AK5: variants seen among roughly 807,000 people sequenced by gnomAD.
AK5 encodes adenylate kinase isoenzyme 5.
In AK5, 27 loss-of-function variants were observed where a neutral mutation model predicts 69.5. The observed-to-expected ratio is 0.39, with a 90% CI of 0.29 to 0.54. AK5 has a LOEUF of 0.54. AK5 is among the 20% of genes least tolerant of loss of function. The pLI is 0.71. For missense variants in AK5, 531 were observed against 700.4 expected, an observed-to-expected ratio of 0.76 and a Z score of 2.73; for synonymous variants, 260 against 244.4, an observed-to-expected ratio of 1.06 and a Z score of -0.60.
chr1:77,508,275 G>A (rs1657133256), intron 10 of AK5, among the ~76,000 whole-genome samples: 1 of 152,042 alleles, frequency 6.6e-6, no homozygotes, highest in Non-Finnish European at 1.5e-5. Context: ...CAAGTAAATT[G>A]CAGATGTCTG....
intron 6 of AK5, among the ~76,000 whole-genome samples, chr1:77,367,589 T>TTATATATATCTTA (rs374382779): frequency 2.3e-5 from 1 of 43,592 alleles, no homozygotes; most frequent in Non-Finnish European, 4.3e-5. Flanking sequence ...AATATATATG[T>TTATATATATCTTA]TATATATGTA....
Position 77,398,777 on chromosome 1 carries a change from A to G in AK5, c.892-12204A>G, listed in dbSNP as rs796329879. 1.1e-4 allele frequency among the ~76,000 whole-genome samples: 17 copies of G among 152,302 alleles called. 1 individual carries two copies. The highest frequency in any genetic ancestry group is 3.4e-3 in the Middle Eastern group (1 of 294). ...TGGTTTAATAAGTACAGAAAAGCCA[A>G]TATGATTTAATCTTGCTTCCATGCA... On this transcript the variant is annotated intron_variant, in intron 6 of 13. Coordinates refer to ENST00000354567, the MANE Select transcript of AK5 (RefSeq NM_174858.3).
At chr1:77,291,495 C>A (rs1054462689) in intron 2 of AK5, among the ~76,000 whole-genome samples, 1 of 152,050 alleles carries the variant, frequency 6.6e-6, no homozygotes, top group Non-Finnish European at 1.5e-5. Flanking sequence ...CTCTTACCAA[C>A]CCTCCCCTGC....
At position 77,353,050 on chromosome 1, in the gene AK5, AT is replaced by A. The variant is rs199782554; in HGVS notation, c.891+12489del. Among the ~76,000 whole-genome samples the A allele has an allele frequency of 3.3e-5, 5 of 152,160 alleles. No individual in the cohort carries two copies. In the East Asian group the frequency reaches 5.8e-4, roughly 18 times the overall value. On this transcript the variant is annotated intron_variant, in intron 6 of 13. Transcript: ENST00000354567. ...TTAATTTACCTTTACATACTTAATT[AT>A]TTTTTTAAAAAAAATAAGAAATTTG...
intron 8 of AK5, among the ~76,000 whole-genome samples, chr1:77,433,193 G>A (rs549229726): frequency 1.3e-5 from 2 of 152,268 alleles, no homozygotes; most frequent in African/African-American, 4.8e-5. Context: ...CAGATCTACA[G>A]GTAGAAGAGA....
At chr1:77,518,422 C>T in intron 10 of AK5, 142 bp from the exon 11 acceptor site, 4 of 826,106 alleles carry the variant, frequency 4.8e-6, no homozygotes, top group Non-Finnish European at 7.6e-6. Flanking sequence ...CCACTCTCAG[C>T]ACAGCTCCTG....
chr1:77,454,959 T>C (rs1165317124), intron 8 of AK5, among the ~76,000 whole-genome samples: 1 of 152,254 alleles, frequency 6.6e-6, no homozygotes, highest in Non-Finnish European at 1.5e-5. Context: ...TTTTGCTCTA[T>C]GATAAGAAGC....
At chr1:77,511,038 C>T (rs753192353) in intron 10 of AK5, among the ~76,000 whole-genome samples, 48 of 149,298 alleles carry the variant, frequency 3.2e-4, no homozygotes, top group Non-Finnish European at 5.3e-4. Flanking sequence ...TTATATTTTA[C>T]GGGGCCAAAG....
At chr1:77,319,054 G>T (rs766568726) in intron 5 of AK5, among the ~76,000 whole-genome samples, 2 of 152,074 alleles carry the variant, frequency 1.3e-5, no homozygotes, top group African/African-American at 4.8e-5. Context: ...CTGGAAGTGG[G>T]TTCTGTTTCC....
Position 77,282,265 on chromosome 1 carries a change from C to T in AK5, c.-49C>T. ...GCTTCAGCCCCGGCTCAGGTCGCCG[C>T]AGCCCGGGAGCCTCCCCGCTTGCGC... On this transcript the variant is annotated 5_prime_UTR_variant, in exon 1 of 14. Transcript: ENST00000354567. 1 of 1,524,342 alleles carries T rather than the reference C, an allele frequency of 6.6e-7. No homozygotes were observed. The allele number at this position is 1,524,342 out of a possible 1,614,324, so 94.4% of individuals were successfully genotyped here.
intron 10 of AK5, among the ~76,000 whole-genome samples, chr1:77,493,033 C>T (rs934087936): frequency 1.3e-5 from 2 of 152,188 alleles, no homozygotes; most frequent in African/African-American, 4.8e-5. Context: ...AATCGGGCAG[C>T]TCATGAGCTA....
chr1:77,391,487 GTGTGTGTGTATATATATA>G (rs1199219477), intron 6 of AK5, among the ~76,000 whole-genome samples: 1 of 89,462 alleles, frequency 1.1e-5, no homozygotes, highest in East Asian at 2.2e-4. Flanking sequence ...GTGTGTATGT[GTGTGTGTGTATATATATA>G]TATATATATA....
chr1:77,449,696 T>G (rs1006419626), intron 8 of AK5, among the ~76,000 whole-genome samples: 1 of 152,152 alleles, frequency 6.6e-6, no homozygotes, highest in Non-Finnish European at 1.5e-5. Context: ...AATCTTATCT[T>G]GAATTGTAAC....
chr1:77,356,457 G>A (rs1285963759), intron 6 of AK5, among the ~76,000 whole-genome samples: 1 of 152,172 alleles, frequency 6.6e-6, no homozygotes, highest in Non-Finnish European at 1.5e-5. Context: ...AACAGGGCTG[G>A]TGATTAAAAA....
chr1:77,333,631 T>A (rs7367731), intron 5 of AK5, among the ~76,000 whole-genome samples: 25,309 of 151,496 alleles, frequency 0.17, 2,241 homozygotes, highest in South Asian at 0.27. Context: ...CTATGGCCCA[T>A]GTGCCAAGTC....
chr1:77,322,128 A>T (rs1377855641), intron 5 of AK5, among the ~76,000 whole-genome samples: 1 of 152,194 alleles, frequency 6.6e-6, no homozygotes, highest in African/African-American at 2.4e-5. Context: ...ATACATAGTC[A>T]TGGGTATTTG....
intron 6 of AK5, among the ~76,000 whole-genome samples, chr1:77,380,794 A>G (rs6603942): frequency 0.98 from 149,398 of 152,268 alleles, 73,356 homozygotes; most frequent in East Asian, 1. Context: ...CAAAGAAGAG[A>G]TGGCCCTGAG....
intron 10 of AK5, among the ~76,000 whole-genome samples, chr1:77,507,731 A>G (rs1657105970): frequency 6.6e-6 from 1 of 152,264 alleles, no homozygotes; most frequent in Non-Finnish European, 1.5e-5. Context: ...TTGTAAATAT[A>G]AAAAGAAAAA....
chr1:77,413,063 C>A (rs1481007749), intron 7 of AK5, among the ~76,000 whole-genome samples: 2 of 152,102 alleles, frequency 1.3e-5, no homozygotes, highest in South Asian at 2.1e-4. Flanking sequence ...CAAAACAAAA[C>A]CTTCAATGAC....
Sources: allele counts gnomAD v4.1 joint callset (sites outside exome capture counted in the v4.1 genomes callset), GRCh38; gene constraint gnomAD v4.1.1; transcripts MANE v1.5; gene names NCBI Gene and HGNC (gene_info 2026-07-23, HGNC 2026-07-21).